The following TFAP2D variants were observed in gnomAD, a reference collection of about 807,000 sequenced individuals.
The protein encoded by TFAP2D is transcription factor AP-2-delta.
In TFAP2D, 9 loss-of-function variants were observed where a neutral mutation model predicts 43.6. The ratio of observed to expected loss-of-function variants is 0.21; its 90% confidence interval spans 0.12 to 0.36. The LOEUF is 0.36. TFAP2D is among the 10% of genes least tolerant of loss of function. TFAP2D has a pLI of 1.00. For missense variants in TFAP2D, 513 were observed against 561.4 expected (o/e 0.91, Z 0.87); for synonymous variants, 256 against 224.9 (o/e 1.14, Z -1.24).
chr6:50,773,001 A>G lies in TFAP2D; in HGVS notation c.*137A>G, dbSNP rs1769558250. ...ACCCTCCATAAAAAAACAAAAATGG[A>G]AATGAAAAATGAAACAAAAAAGGAC... On this transcript the variant is annotated 3_prime_UTR_variant, in exon 8 of 8. Coordinates refer to ENST00000008391, the MANE Select transcript of TFAP2D (RefSeq NM_172238.4). 3.8e-6 allele frequency: 3 copies of G among 798,102 alleles called. No homozygotes were observed. The highest frequency in any genetic ancestry group is 5.6e-6 in the Non-Finnish European group (3 of 533,260). The allele number at this position is 798,102 out of a possible 1,614,324, so 49.4% of individuals were successfully genotyped here.
intron 7 of TFAP2D, among the ~76,000 whole-genome samples, chr6:50,761,576 C>CA (rs1378302698): frequency 6.6e-6 from 1 of 151,904 alleles, no homozygotes; most frequent in Non-Finnish European, 1.5e-5. Flanking sequence ...CAACTCTTGC[C>CA]AAGATAGGAA....
Position 50,772,972 on chromosome 6 carries a change from C to A in TFAP2D, c.*108C>A. ...TCAGTGGACCAAATCTCTACCCTTCCCCAACCCTCCATAAAAAAACAAAAA... is the reference window on the plus strand; with the variant it reads ...TCAGTGGACCAAATCTCTACCCTTCACCAACCCTCCATAAAAAAACAAAAA... On this transcript the variant is annotated 3_prime_UTR_variant, in exon 8 of 8. Transcript: ENST00000008391. 1 of 952,966 alleles carries A rather than the reference C, an allele frequency of 1.0e-6. No individual in the cohort carries two copies. Among genetic ancestry groups the A allele is most frequent in the Non-Finnish European group, 1.5e-6 (1 of 689,254 alleles). 59.0% of individuals were successfully genotyped at this position (952,966 alleles called of 1,614,324 possible). A position where few individuals can be genotyped will look rare whatever the true frequency, so the allele number is the denominator to read the frequency against.
chr6:50,721,410 C>G (rs1768722395), intron 3 of TFAP2D, among the ~76,000 whole-genome samples: 1 of 152,112 alleles, frequency 6.6e-6, no homozygotes, highest in African/African-American at 2.4e-5. Context: ...GGGTGTGTGT[C>G]TATACGTGTC....
Position 50,772,725 on chromosome 6 carries a change from A to G in TFAP2D, c.1220A>G (p.Asn407Ser), listed in dbSNP as rs1434301014. The change falls in exon 8 of 8, where the codon AAC becomes AGC. Residue 407 changes from asparagine to serine, a missense_variant. Coordinates refer to ENST00000008391, the MANE Select transcript of TFAP2D (RefSeq NM_172238.4). The stretch of plus-strand genomic sequence containing the variant: ...CAAACAGTTCTCAGTGAAATGCTGA[A>G]CTACTTGGAAAAACACACTACTCAC... ...TFQTVLSEML[N>S]YLEKHTTHKN... 6.2e-7 allele frequency: 1 copy of G among 1,614,146 alleles called. No individual in the cohort carries two copies. Among genetic ancestry groups the G allele is most frequent in the East Asian group, 2.2e-5 (1 of 44,886 alleles).
chr6:50,722,975 A>C (rs115979458), intron 3 of TFAP2D, among the ~76,000 whole-genome samples: 1 of 152,236 alleles, frequency 6.6e-6, no homozygotes, highest in African/African-American at 2.4e-5. Context: ...GGACCCGGCC[A>C]TGGGCAGGCA....
At chr6:50,768,186 T>A (rs1200708477) in intron 7 of TFAP2D, among the ~76,000 whole-genome samples, 1 of 151,880 alleles carries the variant, frequency 6.6e-6, no homozygotes, top group African/African-American at 2.4e-5. Flanking sequence ...TTGACTATAG[T>A]TCGTTACCTT....
intron 2 of TFAP2D, among the ~76,000 whole-genome samples, chr6:50,715,981 G>T (rs1356568616): frequency 6.6e-6 from 1 of 152,008 alleles, no homozygotes; most frequent in Non-Finnish European, 1.5e-5. Flanking sequence ...AGGAGTCTGG[G>T]GTTGGGCCAA....
At chr6:50,716,035 C>T (rs1768623050) in intron 2 of TFAP2D, among the ~76,000 whole-genome samples, 5 of 152,020 alleles carry the variant, frequency 3.3e-5, no homozygotes, top group African/African-American at 1.2e-4. Flanking sequence ...CCAATCGTAC[C>T]CTCAATCTCC....
At chr6:50,742,580 A>AGAT (rs1769062352) in intron 5 of TFAP2D, among the ~76,000 whole-genome samples, 1 of 54,292 alleles carries the variant, frequency 1.8e-5, no homozygotes, top group Admixed American at 1.7e-4. Flanking sequence ...ACACATAGAT[A>AGAT]GATAGATAGA....
intron 3 of TFAP2D, among the ~76,000 whole-genome samples, 156 bp downstream of exon 3, chr6:50,719,306 T>G (rs1768677796): frequency 6.6e-6 from 1 of 152,142 alleles, no homozygotes; most frequent in Non-Finnish European, 1.5e-5. Context: ...ATATCCACAT[T>G]AAAAAGCCTC....
At chr6:50,720,279 G>A (rs1352185313) in intron 3 of TFAP2D, among the ~76,000 whole-genome samples, 2 of 152,130 alleles carry the variant, frequency 1.3e-5, no homozygotes, top group Admixed American at 1.3e-4. Context: ...AGAGAGATGT[G>A]CTGGTAGAAA....
rs537646973 is a variant in TFAP2D at position 50,754,819 on chromosome 6, AT to A, written c.1139+3504del. 5.1e-3 allele frequency among the ~76,000 whole-genome samples: 770 copies of A among 150,694 alleles called. 5 individuals carry two copies. Among genetic ancestry groups the A allele is most frequent in the African/African-American group, 0.017 (699 of 41,162 alleles). ...TCTTTGCCCACTTTTTGACCAGGTTATTTTTTTTTATTAAGCTGGAGGTTTT... is the reference window on the plus strand; with the variant it reads ...TCTTTGCCCACTTTTTGACCAGGTTATTTTTTTTATTAAGCTGGAGGTTTT... On this transcript the variant is annotated intron_variant, in intron 7 of 7. Coordinates refer to ENST00000008391, the MANE Select transcript of TFAP2D (RefSeq NM_172238.4).
intron 5 of TFAP2D, 138 bp downstream of exon 5, chr6:50,729,450 T>C: frequency 1.6e-6 from 1 of 642,790 alleles, no homozygotes; most frequent in Non-Finnish European, 2.7e-6. Flanking sequence ...TTTCCTAAAT[T>C]ATCTTGACAA....
intron 6 of TFAP2D, among the ~76,000 whole-genome samples, chr6:50,747,384 T>C (rs1769139433): frequency 6.6e-6 from 1 of 152,118 alleles, no homozygotes; most frequent in African/African-American, 2.4e-5. Flanking sequence ...GCTGGCAGGA[T>C]CATGCAGGTT....
At chr6:50,765,020 A>G (rs887138430) in intron 7 of TFAP2D, among the ~76,000 whole-genome samples, 2 of 152,202 alleles carry the variant, frequency 1.3e-5, no homozygotes, top group Non-Finnish European at 2.9e-5. Context: ...CATGCTATAC[A>G]GTAGATCCCC....
At chr6:50,738,548 A>G (rs959203463) in intron 5 of TFAP2D, among the ~76,000 whole-genome samples, 2 of 152,016 alleles carry the variant, frequency 1.3e-5, no homozygotes, top group African/African-American at 4.8e-5. Flanking sequence ...ATCCATCTGG[A>G]CTTTTGTTTC....
Position 50,745,221 on chromosome 6 carries a change from C to G in TFAP2D, c.998C>G (p.Ala333Gly). The change falls in exon 6 of 8, where the codon GCA (alanine) becomes GGA (glycine). Residue 333 changes from alanine to glycine, a missense_variant. Physicochemically the swap from Ala to Gly is moderately conservative, Grantham distance 60 (BLOSUM62 0). Around this residue, in one of 3 missense-constraint regions of TFAP2D, gnomAD observed 199 missense variants for 227.9 expected, o/e 0.87. Transcript: ENST00000008391. ...RQHMEQKEQT[A>G]RKKMILATKQ... The stretch of plus-strand genomic sequence containing the variant: ...CATATGGAACAGAAAGAACAGACAG[C>G]AAGAAAAAAGATGATCCTGGCGACC... 6.2e-7 allele frequency: 1 copy of G among 1,613,088 alleles called. No homozygotes were observed. Among genetic ancestry groups the G allele is most frequent in the Non-Finnish European group, 8.5e-7 (1 of 1,179,568 alleles).
chr6:50,738,686 A>C (rs1263812169), intron 5 of TFAP2D, among the ~76,000 whole-genome samples: 1 of 152,168 alleles, frequency 6.6e-6, no homozygotes, highest in Non-Finnish European at 1.5e-5. Flanking sequence ...TTCATCTTAT[A>C]TTAAATCACC....
chr6:50,722,501 A>C (rs1483362878), intron 3 of TFAP2D, among the ~76,000 whole-genome samples: 1 of 151,970 alleles, frequency 6.6e-6, no homozygotes, highest in Admixed American at 6.6e-5. Context: ...AAAAGAAAGA[A>C]AATCTCACTC....
Sources: gnomAD v4.1 joint callset for allele counts (sites outside exome capture counted in the v4.1 genomes callset) on GRCh38, gnomAD v4.1.1 for gene constraint, gnomAD v4.1.1 regional missense constraint, MANE v1.5 for transcripts, NCBI Gene and HGNC (gene_info 2026-07-23, HGNC 2026-07-21) for gene names.